The following PTPN1 variants were observed in gnomAD, a reference collection of about 807,000 sequenced individuals.
PTPN1 encodes protein tyrosine phosphatase non-receptor type 1, also known as tyrosine-protein phosphatase non-receptor type 1.
A neutral mutation model predicts 59.9 loss-of-function variants in PTPN1; 12 were observed. The ratio of observed to expected loss-of-function variants is 0.20; its 90% CI spans 0.13 to 0.32. The LOEUF is 0.32. Ranked by LOEUF, PTPN1 falls within the 10% of genes least tolerant of loss-of-function variation. The pLI, the probability that PTPN1 is intolerant of heterozygous loss-of-function variation, is 1.00. For missense variants in PTPN1, 356 were observed against 549.2 expected (o/e 0.65, Z 3.52); for synonymous variants, 178 against 203.6 (o/e 0.87, Z 1.07).
chr20:50,543,338 A>G (rs930095682), intron 1 of PTPN1, among the ~76,000 whole-genome samples: 8 of 152,242 alleles, frequency 5.3e-5, no homozygotes, highest in African/African-American at 1.9e-4. Context: ...GTATATTTTG[A>G]TATCTTGTGT....
chr20:50,569,872 G>A lies in PTPN1; in HGVS notation c.354+1394G>A, dbSNP rs1601411610. Reference sequence around the variant, plus strand: ...TGTTCAGCAGGGCCACAGGCTCCTCGGCCTCCCTGCCCTCGCTGCTCCCCA... The same window carrying A: ...TGTTCAGCAGGGCCACAGGCTCCTCAGCCTCCCTGCCCTCGCTGCTCCCCA... On this transcript the variant is annotated intron_variant, in intron 4 of 9. Coordinates refer to ENST00000371621, the MANE Select transcript of PTPN1 (RefSeq NM_002827.4). Among the ~76,000 whole-genome samples the A allele has an allele frequency of 3.9e-5, 6 of 152,320 alleles. 1 individual carries two copies. In the South Asian group the frequency reaches 1.0e-3, roughly 26 times the overall value.
chr20:50,558,204 T>C (rs749360902), intron 1 of PTPN1, among the ~76,000 whole-genome samples: 8 of 152,178 alleles, frequency 5.3e-5, no homozygotes, highest in Non-Finnish European at 1.2e-4. Flanking sequence ...TATCTTCTTA[T>C]AGCCTTACAG....
At chr20:50,579,610 C>CGCCAA in intron 7 of PTPN1, 93 bp from the exon 8 acceptor site, 1 of 1,171,408 alleles carries the variant, frequency 8.5e-7, no homozygotes, top group Non-Finnish European at 1.2e-6. Flanking sequence ...GAGAGCCCCT[C>CGCCAA]GCCAAGCCGT....
intron 5 of PTPN1, 36 bp downstream of exon 5, chr20:50,574,690 T>C: frequency 6.3e-7 from 1 of 1,575,478 alleles, no homozygotes; most frequent in Non-Finnish European, 8.6e-7. Flanking sequence ...TTCAGGCGGC[T>C]ACTGGTTCAC....
Position 50,582,811 on chromosome 20 carries a change from CG to C in PTPN1, c.*98del. On this transcript the variant is annotated 3_prime_UTR_variant, in exon 10 of 10. Transcript: ENST00000371621. This position sits in a 1 kb window ranked among gnomAD's most constrained non-coding sequence, Gnocchi z 4.2. Reference sequence around the variant, plus strand: ...GCATGCCGCGGTAGGTAAGGGCCGCCGGACCGCGTAGAGAGCCGGGCCCCGG... The same window carrying C: ...GCATGCCGCGGTAGGTAAGGGCCGCCGACCGCGTAGAGAGCCGGGCCCCGG... 6.7e-7 allele frequency: 1 copy of C among 1,498,130 alleles called. No individual in the cohort carries two copies. The highest frequency in any genetic ancestry group is 9.2e-7 in the Non-Finnish European group (1 of 1,087,980). 92.8% of individuals were successfully genotyped at this position (1,498,130 alleles called of 1,614,324 possible).
chr20:50,529,893 G>T (rs6020583), intron 1 of PTPN1, among the ~76,000 whole-genome samples: 27 of 151,852 alleles, frequency 1.8e-4, no homozygotes, highest in African/African-American at 6.0e-4. Context: ...CATTATTTTT[G>T]AGACAGAGTC....
rs114222970 is a variant in PTPN1, at chr20:50,523,143, G to A, written c.63+12553G>A. On this transcript the variant is annotated intron_variant, in intron 1 of 9. Coordinates refer to ENST00000371621, the MANE Select transcript of PTPN1 (RefSeq NM_002827.4). ...TGGTGATTTATCGAATGTGGGGGAA[G>A]GGGAAGAAGAGGAAACGGGAGGAAT... Among the ~76,000 whole-genome samples, 463 of 152,226 alleles carry A rather than the reference G, an allele frequency of 3.0e-3. 4 individuals carry two copies. The highest frequency in any genetic ancestry group is 8.7e-3 in the African/African-American group (363 of 41,526).
chr20:50,549,673 G>A (rs529249630), intron 1 of PTPN1, among the ~76,000 whole-genome samples: 9 of 152,062 alleles, frequency 5.9e-5, no homozygotes, highest in Non-Finnish European at 1.2e-4. Context: ...TTCTTATTCA[G>A]TACATAGTCA....
At chr20:50,550,076 T>G (rs2082695445) in intron 1 of PTPN1, among the ~76,000 whole-genome samples, 1 of 148,298 alleles carries the variant, frequency 6.7e-6, no homozygotes, top group Non-Finnish European at 1.5e-5. Flanking sequence ...CACCCCCCCT[T>G]CTATATATAT....
rs765337809 is a variant in PTPN1 at position 50,568,487 on chromosome 20, C to A, written c.354+9C>A. 1.9e-6 allele frequency: 3 copies of A among 1,608,608 alleles called. No individual in the cohort carries two copies. In the South Asian group the frequency reaches 3.3e-5, roughly 18 times the overall value. On this transcript the variant is annotated intron_variant, in intron 4 of 9. Coordinates refer to ENST00000371621, the MANE Select transcript of PTPN1 (RefSeq NM_002827.4). This position sits in a 1 kb window ranked among gnomAD's most constrained non-coding sequence, Gnocchi z 5.6. ...TGATGGAGAAAGGTTCGGTAAGTCTCGGCTTCATTTGCTGTGTATGTGATC... is the reference window on the plus strand; with the variant it reads ...TGATGGAGAAAGGTTCGGTAAGTCTAGGCTTCATTTGCTGTGTATGTGATC...
At position 50,568,237 on chromosome 20, in the gene PTPN1, G is replaced by T; in HGVS notation, c.256-143G>T. 1.5e-6 allele frequency: 1 copy of T among 663,080 alleles called. No individual in the cohort carries two copies. The highest frequency in any genetic ancestry group is 1.7e-5 in the South Asian group (1 of 57,676). 41.1% of individuals were successfully genotyped at this position (663,080 alleles called of 1,614,324 possible). On this transcript the variant is annotated intron_variant, in intron 3 of 9. Coordinates refer to ENST00000371621, the MANE Select transcript of PTPN1 (RefSeq NM_002827.4). This position sits in a 1 kb window ranked among gnomAD's most constrained non-coding sequence, Gnocchi z 5.6. Reference sequence around the variant, plus strand: ...TACTGACCACCAGGCAGAGAGAGGTGGGTCCCTGTCCCAGCCTCAGCCACC... The same window carrying T: ...TACTGACCACCAGGCAGAGAGAGGTTGGTCCCTGTCCCAGCCTCAGCCACC...
chr20:50,545,840 A>AC lies in PTPN1; in HGVS notation c.64-15516dup, dbSNP rs541979542. On this transcript the variant is annotated intron_variant, in intron 1 of 9. Transcript: ENST00000371621. ...AGACCAGCCCAGGCAGCATAGCGAG[A>AC]CCCCCCCTCCCCCCGTCTCTACAAA... Among the ~76,000 whole-genome samples, 305 of 150,204 alleles carry AC rather than the reference A, an allele frequency of 2.0e-3. 1 individual carries two copies. Among genetic ancestry groups the AC allele is most frequent in the African/African-American group, 6.4e-3 (262 of 40,876 alleles).
intron 1 of PTPN1, among the ~76,000 whole-genome samples, chr20:50,560,252 A>C (rs1450144657): frequency 6.6e-6 from 1 of 152,114 alleles, no homozygotes; most frequent in African/African-American, 2.4e-5. Flanking sequence ...CTGTGCCAAC[A>C]GTCTTGCTGC....
chr20:50,532,980 T>C (rs1280716372), intron 1 of PTPN1, among the ~76,000 whole-genome samples: 8 of 151,948 alleles, frequency 5.3e-5, no homozygotes, highest in Non-Finnish European at 1.2e-4. Flanking sequence ...TTTTGTTTTC[T>C]CCTGGGGTCT....
chr20:50,566,263 A>C (rs951243298), intron 3 of PTPN1, among the ~76,000 whole-genome samples: 2 of 152,174 alleles, frequency 1.3e-5, no homozygotes, highest in African/African-American at 4.8e-5. Context: ...TTTTTGGAGA[A>C]GTCAAATTTC....
At chr20:50,561,078 C>T (rs780702019) in intron 1 of PTPN1, among the ~76,000 whole-genome samples, 1 of 152,162 alleles carries the variant, frequency 6.6e-6, no homozygotes, top group Non-Finnish European at 1.5e-5. Context: ...GAGATGTGAT[C>T]TCCAGCCCCC....
intron 1 of PTPN1, among the ~76,000 whole-genome samples, chr20:50,552,653 A>G (rs1345000672): frequency 2.0e-5 from 3 of 151,472 alleles, no homozygotes; most frequent in Non-Finnish European, 4.4e-5. Flanking sequence ...TGGGTAATAT[A>G]ATGAGACCTC....
At position 50,557,498 on chromosome 20, in the gene PTPN1, C is replaced by T. The variant is rs182819161; in HGVS notation, c.64-3865C>T. Among the ~76,000 whole-genome samples, 162 of 152,310 alleles carry T rather than the reference C, an allele frequency of 1.1e-3. 1 individual carries two copies. The highest frequency in any genetic ancestry group is 2.8e-3 in the Admixed American group (43 of 15,306). ...ATCCCCTTTCTTTTCCTCCCCTCTGCTTCACCGCCCCCATTTTCCCAATGT... is the reference window on the plus strand; with the variant it reads ...ATCCCCTTTCTTTTCCTCCCCTCTGTTTCACCGCCCCCATTTTCCCAATGT... On this transcript the variant is annotated intron_variant, in intron 1 of 9. Transcript: ENST00000371621.
At chr20:50,546,024 C>G (rs559209822) in intron 1 of PTPN1, among the ~76,000 whole-genome samples, 1 of 151,714 alleles carries the variant, frequency 6.6e-6, no homozygotes, top group South Asian at 2.1e-4. Flanking sequence ...GGTGACAGAG[C>G]GAGACAGGTC....
Sources: allele counts gnomAD v4.1 joint callset (sites outside exome capture counted in the v4.1 genomes callset), GRCh38; gene constraint gnomAD v4.1.1; non-coding constraint Gnocchi (gnomAD v3.1); transcripts MANE v1.5; gene names NCBI Gene and HGNC (gene_info 2026-07-23, HGNC 2026-07-21).